The following GLRA2 variants were observed in gnomAD, a reference collection of about 807,000 sequenced individuals.
GLRA2 encodes the protein glycine receptor subunit alpha-2.
Under a neutral mutation model 31.6 loss-of-function variants are expected in GLRA2, and 11 were observed. That is an observed-to-expected ratio of 0.35 (90% confidence interval 0.22 to 0.58). The LOEUF is 0.58. Ranked by LOEUF, GLRA2 falls within the 20% of genes least tolerant of loss-of-function variation. The pLI, the probability that GLRA2 is intolerant of heterozygous loss-of-function variation, is 0.84. For missense variants in GLRA2, 212 were observed against 351.8 expected, an observed-to-expected ratio of 0.60 and a Z score of 3.18; for synonymous variants, 132 against 134.0, an observed-to-expected ratio of 0.99 and a Z score of 0.10.
chrX:14,564,526 C>T, intron 2 of GLRA2, among the ~76,000 whole-genome samples: 1 of 111,902 alleles, frequency 8.9e-6, no homozygotes, highest in East Asian at 2.8e-4. Flanking sequence ...AAATAAAGAT[C>T]TCCAGTAAAG....
In GLRA2 at chrX:14,728,948, A is replaced by G. The variant is rs756974001; in HGVS notation, c.1081-1259A>G. Among the ~76,000 whole-genome samples, 4 of 112,271 alleles carry G rather than the reference A, an allele frequency of 3.6e-5. No homozygotes were observed. In the South Asian group the frequency reaches 1.5e-3, roughly 42 times the overall value. ...TTTTGCACATGATCAAGTGTAATTA[A>G]CTGAAATAGTTCTTCTCACCTTCCT... On this transcript the variant is annotated intron_variant, in intron 8 of 8. Transcript: ENST00000218075.
At chrX:14,610,072 C>T (rs1272576318) in intron 7 of GLRA2, among the ~76,000 whole-genome samples, 1 of 112,051 alleles carries the variant, frequency 8.9e-6, no homozygotes, top group African/African-American at 3.2e-5. Context: ...GCACACTGAG[C>T]CATTGGCTTC....
chrX:14,581,138 C>T (rs1219503672), intron 3 of GLRA2, 45 bp from the exon 4 acceptor site: 1 of 769,069 alleles, frequency 1.3e-6, no homozygotes, highest in African/African-American at 2.1e-5. Context: ...AATAGAACTC[C>T]TGTGCCAGGG....
At chrX:14,509,586 G>A in the GLRA2 span, among the ~76,000 whole-genome samples, 1 of 112,286 alleles carries the variant, frequency 8.9e-6, no homozygotes, top group African/African-American at 3.2e-5. Context: ...ATAAAGTGGG[G>A]CTTAGGGCTT....
chrX:14,653,094 T>G (rs1216429735), intron 7 of GLRA2, among the ~76,000 whole-genome samples: 2 of 111,651 alleles, frequency 1.8e-5, no homozygotes, highest in Non-Finnish European at 3.8e-5. Flanking sequence ...TCATTGACAA[T>G]GTACCTGGTC....
chrX:14,574,400 G>T lies in GLRA2; in HGVS notation c.270G>T (p.Met90Ile), dbSNP rs755961485. 2 of 1,181,524 alleles carry T rather than the reference G, an allele frequency of 1.7e-6. No homozygotes were observed. The change falls in exon 3 of 9, where the codon ATG becomes ATT. Residue 90 changes from methionine (M) to isoleucine (I), a missense_variant and splice_region_variant. Around this residue, in one of 5 missense-constraint regions of GLRA2, gnomAD observed 110 missense variants for 232.6 expected, o/e 0.47. Coordinates refer to ENST00000218075, the MANE Select transcript of GLRA2 (RefSeq NM_002063.4). ...TTGGATCAGTCACAGAAACGACCAT[G>T]GTAAGTGCTGCAATGCCACTGGCAA... is the stretch of plus-strand genomic sequence containing the variant. ...NSFGSVTETT[M>I]DYRVNIFLRQ...
At chrX:14,612,226 C>A (rs1336415739) in intron 7 of GLRA2, among the ~76,000 whole-genome samples, 1 of 111,755 alleles carries the variant, frequency 8.9e-6, no homozygotes, top group Non-Finnish European at 1.9e-5. Flanking sequence ...TGAAAAAATG[C>A]CCATCATCAC....
At chrX:14,455,527 T>C in the GLRA2 span, among the ~76,000 whole-genome samples, 1 of 111,885 alleles carries the variant, frequency 8.9e-6, no homozygotes, top group Non-Finnish European at 1.9e-5. Context: ...TTTTAAATAA[T>C]GATTTAGATA....
chrX:14,616,695 A>T (rs957632376), intron 7 of GLRA2, among the ~76,000 whole-genome samples: 1 of 112,271 alleles, frequency 8.9e-6, no homozygotes, highest in Admixed American at 9.5e-5. Flanking sequence ...GCTCTAAAAA[A>T]TAAAGATGAT....
the GLRA2 span, among the ~76,000 whole-genome samples, chrX:14,457,881 T>TA: frequency 9.0e-6 from 1 of 111,065 alleles, no homozygotes; most frequent in African/African-American, 3.3e-5. Context: ...GACTTTTTTT[T>TA]TTATTATTAT....
At chrX:14,635,392 C>T (rs907843746) in intron 7 of GLRA2, among the ~76,000 whole-genome samples, 1 of 111,324 alleles carries the variant, frequency 9.0e-6, no homozygotes, top group Non-Finnish European at 1.9e-5. Context: ...ATGAAGACAG[C>T]AAAAATGGAA....
rs1224170856 is a variant in GLRA2, at chrX:14,691,324, T to TGTGTGTGC, written c.1080+466_1080+467insTGTGTGCG. Among the ~76,000 whole-genome samples, 5 of 64,345 alleles carry TGTGTGTGC rather than the reference T, an allele frequency of 7.8e-5. No homozygotes were observed. In the South Asian group the frequency reaches 2.2e-3, roughly 28 times the overall value. 55.9% of individuals were successfully genotyped at this position (64,345 alleles called of 115,157 possible). On this transcript the variant is annotated intron_variant, in intron 8 of 8. Coordinates refer to ENST00000218075, the MANE Select transcript of GLRA2 (RefSeq NM_002063.4). Reference sequence around the variant, plus strand: ...GTGTGTGTGTGTGTGTGTGTGTGTGTGCGCGCGTGCGTGCGTGTACATCAC... The same window carrying TGTGTGTGC: ...GTGTGTGTGTGTGTGTGTGTGTGTGTGTGTGTGCGCGCGCGTGCGTGCGTGTACATCAC...
the GLRA2 span, among the ~76,000 whole-genome samples, chrX:14,458,961 G>C: frequency 1.8e-5 from 2 of 111,673 alleles, no homozygotes; most frequent in African/African-American, 6.5e-5. Flanking sequence ...CCTATGTCCT[G>C]AATGGTATTG....
At chrX:14,570,433 T>C (rs761003913) in intron 2 of GLRA2, among the ~76,000 whole-genome samples, 12 of 111,982 alleles carry the variant, frequency 1.1e-4, no homozygotes, top group Non-Finnish European at 2.1e-4. Flanking sequence ...AGGACATTTA[T>C]GAAAGATAGA....
the GLRA2 span, among the ~76,000 whole-genome samples, chrX:14,467,424 G>C: frequency 8.9e-6 from 1 of 112,032 alleles, no homozygotes; most frequent in Non-Finnish European, 1.9e-5. Flanking sequence ...TCAACATGAG[G>C]AGGAAGGCTG....
chrX:14,720,467 C>T (rs765255703), intron 8 of GLRA2, among the ~76,000 whole-genome samples: 3 of 111,754 alleles, frequency 2.7e-5, no homozygotes, highest in Non-Finnish European at 3.8e-5. Context: ...GCTCCACTTA[C>T]TCAACAGACA....
intron 7 of GLRA2, among the ~76,000 whole-genome samples, chrX:14,655,589 T>A (rs747251158): frequency 1.1e-4 from 12 of 111,995 alleles, no homozygotes; most frequent in Non-Finnish European, 1.7e-4. Flanking sequence ...GACTCTTTGA[T>A]GTCCACTGTT....
At chrX:14,596,222 A>G (rs1443919317) in intron 4 of GLRA2, among the ~76,000 whole-genome samples, 1 of 111,541 alleles carries the variant, frequency 9.0e-6, no homozygotes, top group Non-Finnish European at 1.9e-5. Context: ...ATATGCTGCC[A>G]TCGCCCTGAG....
the GLRA2 span, among the ~76,000 whole-genome samples, chrX:14,461,752 G>A: frequency 8.9e-6 from 1 of 112,024 alleles, no homozygotes; most frequent in African/African-American, 3.3e-5. Context: ...CCTTGCACGT[G>A]AGATGGATCT....
Sources: gnomAD v4.1 joint callset for allele counts (sites outside exome capture counted in the v4.1 genomes callset) on GRCh38, gnomAD v4.1.1 for gene constraint, gnomAD v4.1.1 regional missense constraint, MANE v1.5 for transcripts, NCBI Gene and HGNC (gene_info 2026-07-23, HGNC 2026-07-21) for gene names.